The following RGS5 variants were observed in gnomAD, a reference collection of about 807,000 sequenced individuals.
RGS5 encodes regulator of G-protein signalling 5.
A neutral mutation model predicts 18.9 loss-of-function variants in RGS5; 20 were observed. That is an observed-to-expected ratio of 1.06 (90% confidence interval 0.74 to 1.54). The LOEUF (loss-of-function observed/expected upper bound fraction) is 1.54, where lower values mean the gene tolerates loss of function less well. RGS5 is among the 40% of genes most tolerant of loss of function. RGS5 has a pLI of 0.00. For missense variants in RGS5, 201 were observed against 211.8 expected, an observed-to-expected ratio of 0.95 and a Z score of 0.32; for synonymous variants, 57 against 76.2, an observed-to-expected ratio of 0.75 and a Z score of 1.31.
chr1:163,244,178 T>C (rs1032583040), intron 2 of RGS5, among the ~76,000 whole-genome samples: 6 of 152,176 alleles, frequency 3.9e-5, no homozygotes, highest in East Asian at 1.9e-4. Context: ...TGGAAACAGC[T>C]TGAGGTCTAC....
chr1:163,283,693 A>G (rs565945330), intron 2 of RGS5, among the ~76,000 whole-genome samples: 1 of 152,156 alleles, frequency 6.6e-6, no homozygotes, highest in Non-Finnish European at 1.5e-5. Context: ...AGACTCTCCT[A>G]ATTCATCTAG....
chr1:163,168,583 C>T (rs1658161222), intron 1 of RGS5, among the ~76,000 whole-genome samples: 1 of 152,158 alleles, frequency 6.6e-6, no homozygotes, highest in Non-Finnish European at 1.5e-5. Context: ...CATTAATTTG[C>T]ACTACATTTT....
intron 1 of RGS5, among the ~76,000 whole-genome samples, chr1:163,193,516 A>T (rs1208967159): frequency 1.3e-5 from 2 of 152,156 alleles, no homozygotes; most frequent in African/African-American, 4.8e-5. Context: ...TAAGCCTAAA[A>T]ACGCACATGG....
intron 2 of RGS5, among the ~76,000 whole-genome samples, chr1:163,305,742 G>C (rs1649679682): frequency 6.6e-6 from 1 of 152,190 alleles, no homozygotes; most frequent in African/African-American, 2.4e-5. Context: ...AAAGGAACAA[G>C]AAGAAAGACT....
chr1:163,315,735 A>T (rs896973322), intron 1 of RGS5, among the ~76,000 whole-genome samples: 2 of 152,208 alleles, frequency 1.3e-5, no homozygotes, highest in Admixed American at 1.3e-4. Flanking sequence ...TGAGAAGTCA[A>T]GTGGATTAAC....
intron 1 of RGS5, among the ~76,000 whole-genome samples, chr1:163,214,004 C>T (rs1660165473): frequency 6.6e-6 from 1 of 152,088 alleles, no homozygotes; most frequent in Non-Finnish European, 1.5e-5. Context: ...CTTTTGACCT[C>T]ATCAGATAAT....
At chr1:163,289,273 C>T (rs1302969941) in intron 2 of RGS5, among the ~76,000 whole-genome samples, 1 of 151,836 alleles carries the variant, frequency 6.6e-6, no homozygotes, top group Non-Finnish European at 1.5e-5. Context: ...TACACCTTTG[C>T]TCCTGCAGTT....
At chr1:163,165,846 C>T (rs1288450837) in intron 2 of RGS5, among the ~76,000 whole-genome samples, 2 of 151,186 alleles carry the variant, frequency 1.3e-5, no homozygotes, top group African/African-American at 2.4e-5. Flanking sequence ...GTGGAGGTTG[C>T]GGTGAGCTGA....
chr1:163,311,752 C>T (rs2136239), intron 1 of RGS5, among the ~76,000 whole-genome samples: 95,960 of 151,912 alleles, frequency 0.63, 30,748 homozygotes, highest in Non-Finnish European at 0.68. Context: ...CAAAGATTAC[C>T]GATTGCAGAT....
In RGS5 at chr1:163,162,063, TTAGA is replaced by T; in HGVS notation, c.156-91_156-88del. 4 of 899,420 alleles carry T rather than the reference TTAGA, an allele frequency of 4.4e-6. No homozygotes were observed. In the South Asian group the frequency reaches 5.4e-5, roughly 12 times the overall value. 55.7% of individuals were successfully genotyped at this position (899,420 alleles called of 1,614,324 possible). A position where few individuals can be genotyped will look rare whatever the true frequency, so the allele number is the denominator to read the frequency against. ...CAGCAATAACTACTTCCTGTTTCTC[TTAGA>T]TGGAAATGATATGACTGCTGGTCTA... is the stretch of plus-strand genomic sequence containing the variant. On this transcript the variant is annotated intron_variant, in intron 2 of 4. Transcript: ENST00000313961.
At chr1:163,169,937 G>C (rs1157883920) in intron 1 of RGS5, among the ~76,000 whole-genome samples, 1 of 152,058 alleles carries the variant, frequency 6.6e-6, no homozygotes, top group Non-Finnish European at 1.5e-5. Context: ...CTGCTTCTTT[G>C]TATCTTCAGT....
chr1:163,186,578 C>CA (rs34092786), intron 1 of RGS5, among the ~76,000 whole-genome samples: 50,358 of 95,582 alleles, frequency 0.53, 13,413 homozygotes, highest in East Asian at 0.62. Context: ...GACTCTGTCT[C>CA]AAAAAAAAAA....
intron 1 of RGS5, among the ~76,000 whole-genome samples, chr1:163,201,068 A>G (rs1659754398): frequency 6.6e-6 from 1 of 152,204 alleles, no homozygotes; most frequent in African/African-American, 2.4e-5. Context: ...TGTGTCATAG[A>G]ATCACAAAAT....
chr1:163,278,356 A>G (rs1377265208), intron 2 of RGS5, among the ~76,000 whole-genome samples: 1 of 152,164 alleles, frequency 6.6e-6, no homozygotes, highest in African/African-American at 2.4e-5. Context: ...AACTGCTGGA[A>G]AAAAGTACTA....
Position 163,270,715 on chromosome 1 carries a change from C to T in RGS5, c.-281+35518G>A, listed in dbSNP as rs1487678645. Among the ~76,000 whole-genome samples, 4 of 152,224 alleles carry T rather than the reference C, an allele frequency of 2.6e-5. No individual in the cohort carries two copies. In the East Asian group the frequency reaches 7.7e-4, roughly 29 times the overall value. On this transcript the variant is annotated intron_variant, in intron 2 of 5. Transcript: ENST00000618415. Reference sequence around the variant, plus strand: ...GTTTTCATTATTAATGAAATTCATACATCTGTTATTTGGATGTTTCTCCTC... The same window carrying T: ...GTTTTCATTATTAATGAAATTCATATATCTGTTATTTGGATGTTTCTCCTC...
At chr1:163,161,689 G>A (rs1657803396) in intron 3 of RGS5, 1 of 455,252 alleles carries the variant, frequency 2.2e-6, no homozygotes. Flanking sequence ...GCAATCATGA[G>A]TCTTCAGAAC....
chr1:163,196,187 C>G (rs1659558705), intron 1 of RGS5, among the ~76,000 whole-genome samples: 1 of 152,170 alleles, frequency 6.6e-6, no homozygotes, highest in Non-Finnish European at 1.5e-5. Flanking sequence ...GCAATGTTAT[C>G]TGAGAACTGA....
chr1:163,160,728 CT>C (rs1339324220), intron 3 of RGS5, among the ~76,000 whole-genome samples: 5 of 152,212 alleles, frequency 3.3e-5, no homozygotes, highest in Non-Finnish European at 2.9e-5. Context: ...TCATAATGGT[CT>C]TGTGAGAAAT....
chr1:163,221,488 AAATC>A (rs531668371), upstream of RGS5, among the ~76,000 whole-genome samples: 17,616 of 147,538 alleles, frequency 0.12, 1,319 homozygotes, highest in South Asian at 0.2. Flanking sequence ...TACATCTCAA[AAATC>A]AATCAATCAA....
Sources: allele counts gnomAD v4.1 joint callset (sites outside exome capture counted in the v4.1 genomes callset), GRCh38; gene constraint gnomAD v4.1.1; transcripts MANE v1.5; gene names NCBI Gene and HGNC (gene_info 2026-07-23, HGNC 2026-07-21).